Variants in FRMD4A observed in about 807,000 individuals in gnomAD.
FRMD4A encodes the protein FERM domain-containing protein 4A.
FRMD4A carries 29 observed loss-of-function variants against 129.1 expected under a neutral mutation model. That is an observed-to-expected ratio of 0.22 (90% CI 0.17 to 0.31). FRMD4A has a LOEUF of 0.31. Ranked by LOEUF, FRMD4A falls within the 10% of genes least tolerant of loss-of-function variation. The pLI is 1.00. For synonymous variants in FRMD4A, 634 were observed against 571.6 expected, an observed-to-expected ratio of 1.11 and a Z score of -1.56; for missense variants, 1,272 against 1,375.8, an observed-to-expected ratio of 0.92 and a Z score of 1.19.
chr10:13,995,037 C>T (rs1246633098), intron 2 of FRMD4A, among the ~76,000 whole-genome samples: 3 of 152,152 alleles, frequency 2.0e-5, no homozygotes, highest in Non-Finnish European at 4.4e-5. Context: ...GAGATAGAAA[C>T]CAACTCTCAA....
intron 20 of FRMD4A, among the ~76,000 whole-genome samples, chr10:13,659,945 A>T (rs1367762139): frequency 1.3e-5 from 2 of 152,098 alleles, no homozygotes; most frequent in Non-Finnish European, 2.9e-5. Context: ...TTGGCTGGAG[A>T]ATTCTGCTGG....
rs150815150 is a variant in FRMD4A, at chr10:14,072,199, T to A, written c.46-213287A>T. ...GATCAGCTGAACAACGAGAGTTTTA[T>A]GGCTAAATGGATATGAAGACACGAG... is the stretch of plus-strand genomic sequence containing the variant. On this transcript the variant is annotated intron_variant, in intron 2 of 24. Transcript: ENST00000357447. Among the ~76,000 whole-genome samples, 404 of 152,310 alleles carry A rather than the reference T, an allele frequency of 2.7e-3. 4 individuals are homozygous for A. Among genetic ancestry groups the A allele is most frequent in the African/African-American group, 8.9e-3 (372 of 41,566 alleles).
rs145261652 is a variant in FRMD4A, at chr10:14,322,514, G to C, written c.45+7544C>G. ...AAGACATGATTTGGGAGCCATTAGCGTACAGATGACAGGGAAAACCATGGG... is the reference window on the plus strand; with the variant it reads ...AAGACATGATTTGGGAGCCATTAGCCTACAGATGACAGGGAAAACCATGGG... On this transcript the variant is annotated intron_variant, in intron 2 of 24. Coordinates refer to ENST00000357447, the MANE Select transcript of FRMD4A (RefSeq NM_018027.5). Among the ~76,000 whole-genome samples, 237 of 152,324 alleles carry C rather than the reference G, an allele frequency of 1.6e-3. 2 individuals carry two copies. Among genetic ancestry groups the C allele is most frequent in the African/African-American group, 5.5e-3 (228 of 41,568 alleles).
At chr10:13,780,390 C>T (rs1241840426) in intron 6 of FRMD4A, among the ~76,000 whole-genome samples, 1 of 152,018 alleles carries the variant, frequency 6.6e-6, no homozygotes, top group African/African-American at 2.4e-5. Context: ...GCAAGTCCAT[C>T]TTCCCCGGGA....
At position 14,161,535 on chromosome 10, in the gene FRMD4A, G is replaced by A. The variant is rs768706568; in HGVS notation, c.45+168523C>T. On this transcript the variant is annotated intron_variant, in intron 2 of 24. Transcript: ENST00000357447. ...CATTTGCAGGGATATGGATGGAAAC[G>A]GAGGTCATTATGAAATAAGCCAGGC... Among the ~76,000 whole-genome samples the A allele has an allele frequency of 1.1e-3, 161 of 152,268 alleles. 2 individuals are homozygous for A. Among genetic ancestry groups the A allele is most frequent in the African/African-American group, 3.6e-3 (149 of 41,554 alleles).
chr10:13,736,150 T>TCAAACAAA (rs546327848), intron 12 of FRMD4A, among the ~76,000 whole-genome samples: 71 of 151,838 alleles, frequency 4.7e-4, no homozygotes, highest in African/African-American at 1.6e-3. Context: ...AGACTCCATC[T>TCAAACAAA]CAAACAAACA....
chr10:13,810,467 G>A (rs1588852261), intron 4 of FRMD4A, among the ~76,000 whole-genome samples: 1 of 152,178 alleles, frequency 6.6e-6, no homozygotes, highest in East Asian at 1.9e-4. Flanking sequence ...ACAGTAGAGA[G>A]AAATGTTTCA....
chr10:13,960,319 T>C (rs1411420226), intron 2 of FRMD4A, among the ~76,000 whole-genome samples: 1 of 152,234 alleles, frequency 6.6e-6, no homozygotes, highest in Admixed American at 6.5e-5. Context: ...AACAGACGCT[T>C]TAATTTTTTG....
Position 13,993,784 on chromosome 10 carries a change from G to A in FRMD4A, c.46-134872C>T, listed in dbSNP as rs192550305. Reference sequence around the variant, plus strand: ...TTCCTGTTTCCTCTAGCTGGAGGACGTGTATTCAATGTATTCAAATATATT... The same window carrying A: ...TTCCTGTTTCCTCTAGCTGGAGGACATGTATTCAATGTATTCAAATATATT... On this transcript the variant is annotated intron_variant, in intron 2 of 24. Transcript: ENST00000357447. Among the ~76,000 whole-genome samples the A allele has an allele frequency of 2.8e-4, 43 of 151,994 alleles. 1 individual carries two copies. Among genetic ancestry groups the A allele is most frequent in the African/African-American group, 8.2e-4 (34 of 41,426 alleles).
At chr10:13,925,000 G>A (rs2095114378) in intron 2 of FRMD4A, among the ~76,000 whole-genome samples, 1 of 147,770 alleles carries the variant, frequency 6.8e-6, no homozygotes, top group African/African-American at 2.5e-5. Flanking sequence ...GGAGGCGGAG[G>A]TTGCAGTGAG....
intron 2 of FRMD4A, among the ~76,000 whole-genome samples, chr10:13,983,573 AGAG>A (rs1259655989): frequency 6.6e-6 from 1 of 152,128 alleles, no homozygotes; most frequent in East Asian, 1.9e-4. Flanking sequence ...ATAATTCCCT[AGAG>A]AAGAAGGAAA....
intron 2 of FRMD4A, among the ~76,000 whole-genome samples, chr10:14,025,207 T>C (rs1832933933): frequency 6.6e-6 from 1 of 152,226 alleles, no homozygotes; most frequent in African/African-American, 2.4e-5. Context: ...AAAAATTTAA[T>C]ATCTCGTGTC....
At chr10:14,129,613 T>C (rs1839135764) in intron 2 of FRMD4A, among the ~76,000 whole-genome samples, 1 of 151,804 alleles carries the variant, frequency 6.6e-6, no homozygotes, top group Non-Finnish European at 1.5e-5. Flanking sequence ...CAAGAGACCA[T>C]CACTCTGGGA....
At chr10:13,945,553 A>G (rs891961099) in intron 2 of FRMD4A, among the ~76,000 whole-genome samples, 2 of 152,134 alleles carry the variant, frequency 1.3e-5, no homozygotes, top group African/African-American at 2.4e-5. Context: ...AAATGCTTAA[A>G]TATGTAGTCG....
At chr10:14,094,990 A>ACAT (rs1836873037) in intron 2 of FRMD4A, among the ~76,000 whole-genome samples, 2 of 152,050 alleles carry the variant, frequency 1.3e-5, no homozygotes, top group African/African-American at 4.8e-5. Context: ...AGAGATCCAT[A>ACAT]CATCCATATG....
chr10:14,295,830 G>A (rs558355118), intron 2 of FRMD4A, among the ~76,000 whole-genome samples: 53 of 152,206 alleles, frequency 3.5e-4, no homozygotes, highest in Middle Eastern at 3.4e-3. Context: ...TAAATTCAAC[G>A]TAATAAGCCT....
chr10:14,297,156 A>G (rs1846036816), intron 2 of FRMD4A, among the ~76,000 whole-genome samples: 1 of 151,020 alleles, frequency 6.6e-6, no homozygotes. Context: ...TTTTTCTTAG[A>G]AAGTTCAAGA....
At chr10:13,732,998 G>A (rs2090414131) in intron 12 of FRMD4A, among the ~76,000 whole-genome samples, 1 of 152,236 alleles carries the variant, frequency 6.6e-6, no homozygotes, top group Non-Finnish European at 1.5e-5. Context: ...GCAGGGGGCT[G>A]TGGCATCTAG....
At chr10:13,910,513 T>C (rs1260093782) in intron 2 of FRMD4A, among the ~76,000 whole-genome samples, 1 of 152,264 alleles carries the variant, frequency 6.6e-6, no homozygotes, top group South Asian at 2.1e-4. Flanking sequence ...TTTAAGCTAT[T>C]ATATTTTGCG....
Sources: allele counts gnomAD v4.1 joint callset (sites outside exome capture counted in the v4.1 genomes callset), GRCh38; gene constraint gnomAD v4.1.1; transcripts MANE v1.5; gene names NCBI Gene and HGNC (gene_info 2026-07-23, HGNC 2026-07-21).